CLPB: variants seen among roughly 807,000 people sequenced by gnomAD.
CLPB encodes mitochondrial disaggregase.
CLPB carries 40 observed loss-of-function variants against 78.4 expected under a neutral mutation model. The ratio of observed to expected loss-of-function variants is 0.51; its 90% CI spans 0.40 to 0.66. The LOEUF (loss-of-function observed/expected upper bound fraction) is 0.66. CLPB is among the 30% of genes least tolerant of loss of function. The pLI, the probability that CLPB is intolerant of heterozygous loss-of-function variation, is 0.00. For missense variants in CLPB, 780 were observed against 886.9 expected, an observed-to-expected ratio of 0.88 and a Z score of 1.53; for synonymous variants, 333 against 348.0, an observed-to-expected ratio of 0.96 and a Z score of 0.48.
intron 5 of CLPB, among the ~76,000 whole-genome samples, chr11:72,346,658 C>T (rs929721922): frequency 1.3e-5 from 2 of 151,498 alleles, no homozygotes; most frequent in African/African-American, 4.9e-5. Context: ...CATAACTAAG[C>T]CTATAATAAA....
chr11:72,302,652 C>A, intron 9 of CLPB: 1 of 356,990 alleles, frequency 2.8e-6, no homozygotes, highest in Non-Finnish European at 5.4e-6. Context: ...ATCCACCCAC[C>A]CATCCATCCA....
At chr11:72,371,490 C>T (rs1416392126) in intron 4 of CLPB, among the ~76,000 whole-genome samples, 1 of 151,326 alleles carries the variant, frequency 6.6e-6, no homozygotes, top group Non-Finnish European at 1.5e-5. Flanking sequence ...GATCATGCCA[C>T]TCACTGGACT....
At chr11:72,363,346 A>G (rs1950877640) in intron 4 of CLPB, 1 of 152,178 alleles carries the variant, frequency 6.6e-6, no homozygotes, top group African/African-American at 2.4e-5. Context: ...AGTGGTCTCT[A>G]GATAACAAAA....
chr11:72,320,725 A>T (rs964644932), intron 6 of CLPB, among the ~76,000 whole-genome samples: 3 of 151,958 alleles, frequency 2.0e-5, no homozygotes, highest in African/African-American at 2.4e-5. Flanking sequence ...ATATATATAT[A>T]TTTTTTGAGA....
intron 4 of CLPB, among the ~76,000 whole-genome samples, chr11:72,379,139 G>T (rs1412021117): frequency 6.6e-6 from 1 of 152,172 alleles, no homozygotes; most frequent in African/African-American, 2.4e-5. Flanking sequence ...CCGCTACTCT[G>T]AGTTACCACA....
At chr11:72,408,020 A>G (rs1291766735) in intron 2 of CLPB, 36 of 936,532 alleles carry the variant, frequency 3.8e-5, no homozygotes, top group Admixed American at 2.2e-4. Context: ...CATAGGTCCA[A>G]TGAGGATCAC....
intron 3 of CLPB, among the ~76,000 whole-genome samples, chr11:72,390,453 G>GAA (rs1329085745): frequency 1.4e-5 from 1 of 69,654 alleles, no homozygotes; most frequent in East Asian, 3.8e-4. Context: ...AAACGAAATA[G>GAA]AAAAAAAAAA....
intron 2 of CLPB, among the ~76,000 whole-genome samples, chr11:72,426,275 G>T (rs981170427): frequency 6.6e-6 from 1 of 152,222 alleles, no homozygotes; most frequent in African/African-American, 2.4e-5. Context: ...TCCACCGGGA[G>T]AACAGGAGGC....
At chr11:72,313,622 C>T (rs920362126) in intron 7 of CLPB, among the ~76,000 whole-genome samples, 7 of 152,152 alleles carry the variant, frequency 4.6e-5, no homozygotes, top group African/African-American at 1.7e-4. Flanking sequence ...TCCCAGGGAA[C>T]GAGCCCTGAA....
intron 9 of CLPB, among the ~76,000 whole-genome samples, chr11:72,305,384 T>C (rs1949728757): frequency 6.6e-6 from 1 of 152,192 alleles, no homozygotes; most frequent in Non-Finnish European, 1.5e-5. Flanking sequence ...AAGTAGGAAG[T>C]GACGAATAAA....
intron 2 of CLPB, among the ~76,000 whole-genome samples, chr11:72,407,649 A>T (rs1590908907): frequency 7.1e-6 from 1 of 140,508 alleles, no homozygotes. Context: ...GCCACCTACT[A>T]TTTTTTTTTT....
At chr11:72,375,679 G>C (rs1279692277) in intron 4 of CLPB, among the ~76,000 whole-genome samples, 1 of 152,194 alleles carries the variant, frequency 6.6e-6, no homozygotes. Context: ...TCTGCGTTGT[G>C]ATTCCTTGTT....
chr11:72,408,238 G>A (rs1855767666), intron 2 of CLPB: 8 of 1,421,400 alleles, frequency 5.6e-6, no homozygotes, highest in African/African-American at 1.4e-5. Flanking sequence ...AATGACCCTG[G>A]AGTCCAAAGG....
intron 4 of CLPB, among the ~76,000 whole-genome samples, chr11:72,365,704 A>C (rs959437736): frequency 5.9e-5 from 9 of 152,232 alleles, no homozygotes; most frequent in Non-Finnish European, 1.2e-4. Flanking sequence ...CTGTACAAAA[A>C]CAGACACATA....
rs1949417922 is a variant in CLPB, at chr11:72,288,696, T to C, written c.*4671A>G. 6.6e-6 allele frequency: 1 copy of C among 152,264 alleles called. No individual in the cohort carries two copies. The highest frequency in any genetic ancestry group is 2.1e-4 in the South Asian group (1 of 4,828). The allele number at this position is 152,264 out of a possible 1,614,324, so 9.4% of individuals were successfully genotyped here. A position where few individuals can be genotyped will look rare whatever the true frequency, so the allele number is the denominator to read the frequency against. ...TATAATAATAAAGGAACATCTGTCATATGCCTGCACTGTGCCAGGTTCTGT... is the reference window on the plus strand; with the variant it reads ...TATAATAATAAAGGAACATCTGTCACATGCCTGCACTGTGCCAGGTTCTGT... On this transcript the variant is annotated 3_prime_UTR_variant, in exon 16 of 16. Transcript: ENST00000538039.
intron 2 of CLPB, among the ~76,000 whole-genome samples, chr11:72,417,583 G>A (rs1478067738): frequency 6.6e-6 from 1 of 152,120 alleles, no homozygotes; most frequent in Non-Finnish European, 1.5e-5. Context: ...TATTTTTAAA[G>A]GTTGAATTTT....
At chr11:72,388,035 T>C (rs1334980542) in intron 3 of CLPB, among the ~76,000 whole-genome samples, 3 of 152,088 alleles carry the variant, frequency 2.0e-5, no homozygotes, top group South Asian at 2.1e-4. Context: ...TTGCAGGCTG[T>C]AGGACGTGTC....
At chr11:72,324,444 T>C (rs1950097361) in intron 6 of CLPB, among the ~76,000 whole-genome samples, 1 of 151,992 alleles carries the variant, frequency 6.6e-6, no homozygotes, top group African/African-American at 2.4e-5. Flanking sequence ...GTGGCCCCTG[T>C]AATTCCAGCT....
intron 2 of CLPB, among the ~76,000 whole-genome samples, chr11:72,404,335 C>A (rs147749902): frequency 6.6e-6 from 1 of 152,288 alleles, no homozygotes; most frequent in Non-Finnish European, 1.5e-5. Context: ...AGCCAAAGGG[C>A]AGAGAGTCAA....
Sources: gnomAD v4.1 joint callset for allele counts (sites outside exome capture counted in the v4.1 genomes callset) on GRCh38, gnomAD v4.1.1 for gene constraint, MANE v1.5 for transcripts, NCBI Gene and HGNC (gene_info 2026-07-23, HGNC 2026-07-21) for gene names.